ABI1: variants seen among roughly 807,000 people sequenced by gnomAD.
The protein encoded by ABI1 is Abelson interactor 1.
Under a neutral mutation model 54.6 loss-of-function variants are expected in ABI1, and 14 were observed. That is an observed-to-expected ratio of 0.26 (90% CI 0.17 to 0.40). The LOEUF is 0.40. ABI1 is among the 10% of genes least tolerant of loss of function. The pLI, the probability that ABI1 is intolerant of heterozygous loss-of-function variation, is 1.00. For synonymous variants in ABI1, 194 were observed against 209.3 expected (o/e 0.93, Z 0.63); for missense variants, 443 against 598.3 (o/e 0.74, Z 2.71).
At chr10:26,820,772 G>A (rs942402650) in intron 2 of ABI1, among the ~76,000 whole-genome samples, 1 of 151,600 alleles carries the variant, frequency 6.6e-6, no homozygotes, top group African/African-American at 2.4e-5. Flanking sequence ...ATTTTTAGTA[G>A]AGACAGGGTT....
chr10:26,836,908 AG>A (rs2049121729), intron 1 of ABI1, among the ~76,000 whole-genome samples: 1 of 152,208 alleles, frequency 6.6e-6, no homozygotes, highest in Admixed American at 6.5e-5. Context: ...TTTCATAAAA[AG>A]GGTCTTGGCT....
intron 2 of ABI1, among the ~76,000 whole-genome samples, chr10:26,811,535 T>G (rs1001948637): frequency 6.6e-6 from 1 of 152,198 alleles, no homozygotes; most frequent in Non-Finnish European, 1.5e-5. Context: ...TTAGCAACTG[T>G]TTTGGTTAGG....
chr10:26,823,119 G>T lies in ABI1; in HGVS notation c.285+19C>A. Reference sequence around the variant, plus strand: ...TAGTTTTTTTTAAATTGAATTTAAAGCATTTTATAAGCTGTTACCTGTGAG... The same window carrying T: ...TAGTTTTTTTTAAATTGAATTTAAATCATTTTATAAGCTGTTACCTGTGAG... On this transcript the variant is annotated intron_variant, in intron 2 of 10. Transcript: ENST00000376140. The T allele has an allele frequency of 6.4e-7, 1 of 1,556,526 alleles. No individual in the cohort carries two copies. The highest frequency in any genetic ancestry group is 8.6e-7 in the Non-Finnish European group (1 of 1,159,646).
chr10:26,800,769 G>A (rs545696510), intron 2 of ABI1, among the ~76,000 whole-genome samples: 23 of 152,306 alleles, frequency 1.5e-4, no homozygotes, highest in Admixed American at 7.8e-4. Context: ...AGTGGCTGAC[G>A]CCTGTCATCC....
intron 9 of ABI1, 114 bp from the exon 10 acceptor site, chr10:26,751,897 A>T: frequency 1.1e-6 from 1 of 897,958 alleles, no homozygotes; most frequent in Non-Finnish European, 1.6e-6. Flanking sequence ...ATAATAAAAC[A>T]TGCAATGATT....
chr10:26,775,923 C>G (rs1331459755), intron 3 of ABI1, among the ~76,000 whole-genome samples: 3 of 152,006 alleles, frequency 2.0e-5, no homozygotes, highest in Non-Finnish European at 1.5e-5. Context: ...TGAATATATC[C>G]TTTTTCTTTA....
chr10:26,855,234 T>C (rs2050712275), intron 1 of ABI1, among the ~76,000 whole-genome samples: 1 of 152,242 alleles, frequency 6.6e-6, no homozygotes, highest in African/African-American at 2.4e-5. Flanking sequence ...GTCCCTAAAT[T>C]ACAAACATAT....
At chr10:26,780,182 C>A (rs561731863) in intron 2 of ABI1, among the ~76,000 whole-genome samples, 1 of 152,036 alleles carries the variant, frequency 6.6e-6, no homozygotes, top group Non-Finnish European at 1.5e-5. Flanking sequence ...TATAGTTGTT[C>A]GATCAAGGTG....
chr10:26,842,174 A>G (rs765940254), intron 1 of ABI1, among the ~76,000 whole-genome samples: 3 of 152,238 alleles, frequency 2.0e-5, no homozygotes, highest in Non-Finnish European at 4.4e-5. Flanking sequence ...GCATTTCTGC[A>G]TGGCTAATGC....
At position 26,860,337 on chromosome 10, in the gene ABI1, C is replaced by T. The variant is rs1167464330; in HGVS notation, c.117+410G>A. ...CCCTCTCCCGTCCTGGACCTCCTCT[C>T]CCGGCGCAGAGAGGCGGCGCGGCGG... is the stretch of plus-strand genomic sequence containing the variant. On this transcript the variant is annotated intron_variant, in intron 1 of 10. Coordinates refer to ENST00000376140, the MANE Select transcript of ABI1 (RefSeq NM_001012750.3). The surrounding 1 kb of genome is among the most constrained non-coding windows in gnomAD (Gnocchi z 4.1). Among the ~76,000 whole-genome samples, 1 of 152,124 alleles carries T rather than the reference C, an allele frequency of 6.6e-6. No homozygotes were observed. Among genetic ancestry groups the T allele is most frequent in the African/African-American group, 2.4e-5 (1 of 41,422 alleles).
chr10:26,783,056 C>T (rs1485060336), intron 2 of ABI1, among the ~76,000 whole-genome samples: 1 of 152,192 alleles, frequency 6.6e-6, no homozygotes, highest in African/African-American at 2.4e-5. Flanking sequence ...AGTAACCCAA[C>T]AATCCATCAA....
chr10:26,841,324 T>C (rs1221303685), intron 1 of ABI1, among the ~76,000 whole-genome samples: 13 of 152,078 alleles, frequency 8.5e-5, no homozygotes, highest in Admixed American at 8.5e-4. Flanking sequence ...AACATGATGT[T>C]ATGGGATTCA....
At chr10:26,817,124 T>C (rs948336527) in intron 2 of ABI1, among the ~76,000 whole-genome samples, 3 of 151,658 alleles carry the variant, frequency 2.0e-5, no homozygotes, top group Non-Finnish European at 4.4e-5. Flanking sequence ...CTTAGCCTCC[T>C]GAGTAGGTGG....
chr10:26,814,525 G>A (rs576445395), intron 2 of ABI1, among the ~76,000 whole-genome samples: 1 of 152,272 alleles, frequency 6.6e-6, no homozygotes, highest in South Asian at 2.1e-4. Context: ...TTTAACAGTT[G>A]CACACTTTCT....
chr10:26,756,600 T>C (rs1373056594), intron 8 of ABI1, among the ~76,000 whole-genome samples: 1 of 152,136 alleles, frequency 6.6e-6, no homozygotes, highest in Admixed American at 6.5e-5. Context: ...TGACAGGAAA[T>C]TAATACCAAA....
chr10:26,768,707 A>T, intron 6 of ABI1, 145 bp downstream of exon 6: 1 of 683,944 alleles, frequency 1.5e-6, no homozygotes, highest in Non-Finnish European at 2.4e-6. Context: ...TTACAGGAAC[A>T]TATATAATAT....
At chr10:26,821,799 C>CA (rs375448180) in intron 2 of ABI1, among the ~76,000 whole-genome samples, 9,275 of 79,804 alleles carry the variant, frequency 0.12, 461 homozygotes, top group South Asian at 0.33. Flanking sequence ...ACTCTTGTCT[C>CA]AAAAAAAAAA....
chr10:26,759,335 T>C (rs1236856039), intron 7 of ABI1, 97 bp from the exon 8 acceptor site: 2 of 992,322 alleles, frequency 2.0e-6, no homozygotes, highest in Non-Finnish European at 2.8e-6. Context: ...CAGTAAGAAA[T>C]ATTTATTACT....
chr10:26,834,818 T>C (rs1270553044), intron 1 of ABI1, among the ~76,000 whole-genome samples: 1 of 150,174 alleles, frequency 6.7e-6, no homozygotes, highest in Non-Finnish European at 1.5e-5. Context: ...AATACAAAAA[T>C]TAAGCCGGGC....
Sources: allele counts gnomAD v4.1 joint callset (sites outside exome capture counted in the v4.1 genomes callset), GRCh38; gene constraint gnomAD v4.1.1; non-coding constraint Gnocchi (gnomAD v3.1); transcripts MANE v1.5; gene names NCBI Gene and HGNC (gene_info 2026-07-23, HGNC 2026-07-21).